Variants in SVIL observed in about 807,000 individuals in gnomAD.
The protein encoded by SVIL is supervillin.
In SVIL, 101 loss-of-function variants were observed where a neutral mutation model predicts 240.4. The observed-to-expected ratio is 0.42, with a 90% confidence interval of 0.36 to 0.50. SVIL has a LOEUF of 0.50. Ranked by LOEUF, SVIL falls within the 20% of genes least tolerant of loss-of-function variation. The pLI, the probability that SVIL is intolerant of heterozygous loss-of-function variation, is 0.01. For synonymous variants in SVIL, 999 were observed against 1,100.0 expected, an observed-to-expected ratio of 0.91 and a Z score of 1.82; for missense variants, 2,512 against 2,818.7, an observed-to-expected ratio of 0.89 and a Z score of 2.46.
At chr10:29,467,090 C>T (rs570443205) in intron 33 of SVIL, 1 of 152,388 alleles carries the variant, frequency 6.6e-6, no homozygotes, top group East Asian at 1.9e-4. Context: ...GTCTGGCTTA[C>T]TGGAACTGCT....
chr10:29,523,030 C>G (rs954769866), intron 15 of SVIL, among the ~76,000 whole-genome samples: 1 of 152,174 alleles, frequency 6.6e-6, no homozygotes, highest in Non-Finnish European at 1.5e-5. Flanking sequence ...GAAGGGCCCA[C>G]GCAGTGTAGC....
chr10:29,584,213 T>C (rs1030548642), intron 1 of SVIL, among the ~76,000 whole-genome samples: 1 of 152,180 alleles, frequency 6.6e-6, no homozygotes, highest in African/African-American at 2.4e-5. Flanking sequence ...GGAAGAGGCC[T>C]AACCGGGGCG....
At chr10:29,542,107 A>G (rs150916880) in intron 6 of SVIL, among the ~76,000 whole-genome samples, 17 of 152,302 alleles carry the variant, frequency 1.1e-4, no homozygotes, top group African/African-American at 3.6e-4. Context: ...GATTTTCTCA[A>G]TGAAGGAAAC....
At chr10:29,598,460 T>G (rs1956681282) in intron 1 of SVIL, among the ~76,000 whole-genome samples, 1 of 152,158 alleles carries the variant, frequency 6.6e-6, no homozygotes, top group African/African-American at 2.4e-5. Flanking sequence ...GGTTAACAGG[T>G]GGGTTCTGAA....
intron 1 of SVIL, among the ~76,000 whole-genome samples, chr10:29,572,599 T>C (rs142179433): frequency 6.6e-6 from 1 of 151,844 alleles, no homozygotes; most frequent in African/African-American, 2.4e-5. Context: ...GCCCTGTCTC[T>C]ACAAAAAATA....
chr10:29,568,510 G>A (rs1955174322), intron 2 of SVIL, among the ~76,000 whole-genome samples: 1 of 152,138 alleles, frequency 6.6e-6, no homozygotes, highest in Non-Finnish European at 1.5e-5. Context: ...TGACTGCGTA[G>A]GGGACAACTT....
At chr10:29,662,915 C>T (rs938545602) in intron 2 of SVIL, among the ~76,000 whole-genome samples, 2 of 152,134 alleles carry the variant, frequency 1.3e-5, no homozygotes, top group Non-Finnish European at 2.9e-5. Context: ...GTTTGAGACC[C>T]ACCTGGGCAG....
intron 5 of SVIL, among the ~76,000 whole-genome samples, chr10:29,552,369 C>A (rs1213586290): frequency 2.0e-5 from 3 of 151,868 alleles, no homozygotes; most frequent in Non-Finnish European, 4.4e-5. Flanking sequence ...TCGAGACCAG[C>A]CTGACCAACA....
chr10:29,622,304 C>T (rs968450565), intron 1 of SVIL, among the ~76,000 whole-genome samples: 10 of 146,612 alleles, frequency 6.8e-5, no homozygotes, highest in South Asian at 2.3e-4. Flanking sequence ...AGGTCAATCT[C>T]TCGTTTTTCA....
At chr10:29,558,407 C>A (rs960721981) in intron 3 of SVIL, among the ~76,000 whole-genome samples, 6 of 152,064 alleles carry the variant, frequency 3.9e-5, no homozygotes, top group African/African-American at 1.4e-4. Context: ...ATAAAAAAGT[C>A]TCCCCAGCAA....
At chr10:29,619,297 G>A (rs1029393772) in intron 1 of SVIL, among the ~76,000 whole-genome samples, 2 of 152,182 alleles carry the variant, frequency 1.3e-5, no homozygotes, top group Non-Finnish European at 2.9e-5. Context: ...CTGCGGATGC[G>A]TATGTGAGGA....
At chr10:29,621,515 A>G (rs2132914273) in intron 1 of SVIL, among the ~76,000 whole-genome samples, 1 of 152,390 alleles carries the variant, frequency 6.6e-6, no homozygotes, top group East Asian at 1.9e-4. Flanking sequence ...GACTCTCAAG[A>G]GAGCATAAAC....
intron 29 of SVIL, among the ~76,000 whole-genome samples, chr10:29,478,991 C>T (rs1033114598): frequency 1.3e-5 from 2 of 150,992 alleles, no homozygotes; most frequent in African/African-American, 2.4e-5. Context: ...CATTGGGGGT[C>T]CTTGTCTGAC....
rs547410990 is a variant in SVIL at position 29,581,915 on chromosome 10, A to C, written c.-200-12603T>G. Among the ~76,000 whole-genome samples the C allele has an allele frequency of 4.6e-5, 7 of 152,340 alleles. No homozygotes were observed. The East Asian group carries it at 1.3e-3, about 29-fold the overall frequency. ...GAAGGAAATTCTGATGCTTGCTACA[A>C]TGTAGAGGAACCTTGAAGACATTAT... On this transcript the variant is annotated intron_variant, in intron 1 of 37. Coordinates refer to ENST00000355867, the MANE Select transcript of SVIL (RefSeq NM_021738.3).
intron 18 of SVIL, among the ~76,000 whole-genome samples, chr10:29,497,518 C>T (rs1166487355): frequency 6.6e-6 from 1 of 152,180 alleles, no homozygotes; most frequent in Non-Finnish European, 1.5e-5. Context: ...AAGTCAGTTT[C>T]ATAAATTTTT....
In SVIL at chr10:29,470,370, C is replaced by G; in HGVS notation, c.5749G>C (p.Val1917Leu). The G allele has an allele frequency of 6.2e-7, 1 of 1,614,210 alleles. No individual in the cohort carries two copies. Among genetic ancestry groups the G allele is most frequent in the Non-Finnish European group, 8.5e-7 (1 of 1,180,044 alleles). The part of the protein sequence containing the change: ...RSRTSMVVLN[V>L]NKALIYLWHG... ...CACAGGTAGATGAGGGCCTTGTTGA[C>G]GTTAAGCACCACCATGGAAGTTCTG... The change falls in exon 32 of 38, where the codon GTC becomes CTC. Residue 1917 changes from valine to leucine, a missense_variant. Physicochemically the swap from Val to Leu is conservative, Grantham distance 32 (BLOSUM62 1). Transcript: ENST00000355867.
At chr10:29,685,536 A>G (rs909003700) in intron 2 of SVIL, among the ~76,000 whole-genome samples, 6 of 152,202 alleles carry the variant, frequency 3.9e-5, no homozygotes, top group African/African-American at 1.4e-4. Context: ...ACTCTCACCA[A>G]CAATGTATAA....
intron 3 of SVIL, among the ~76,000 whole-genome samples, chr10:29,655,874 G>GTTTTTTTTT (rs3030622): frequency 7.3e-6 from 1 of 136,260 alleles, no homozygotes. Context: ...GTATGTGTGG[G>GTTTTTTTTT]TTTTTTTTTT....
At chr10:29,719,074 C>T (rs1963818960) in intron 1 of SVIL, among the ~76,000 whole-genome samples, 2 of 152,180 alleles carry the variant, frequency 1.3e-5, no homozygotes, top group African/African-American at 2.4e-5. Flanking sequence ...TGCCACTGCA[C>T]TCCAGCCTGG....
Sources: gnomAD v4.1 joint callset for allele counts (sites outside exome capture counted in the v4.1 genomes callset) on GRCh38, gnomAD v4.1.1 for gene constraint, MANE v1.5 for transcripts, NCBI Gene and HGNC (gene_info 2026-07-23, HGNC 2026-07-21) for gene names.